GRIN2A: variants seen among roughly 807,000 people sequenced by gnomAD.
The protein encoded by GRIN2A is glutamate ionotropic receptor NMDA type subunit 2A.
GRIN2A carries 22 observed loss-of-function variants against 113.4 expected under a neutral mutation model. The ratio of observed to expected loss-of-function variants is 0.19; its 90% CI spans 0.14 to 0.28. The LOEUF (loss-of-function observed/expected upper bound fraction) is 0.28, where lower values mean the gene tolerates loss of function less well. Among genes scored for constraint, GRIN2A ranks in the 10% least tolerant of loss-of-function variants. The pLI, the probability that GRIN2A is intolerant of heterozygous loss-of-function variation, is 1.00. For synonymous variants in GRIN2A, 827 were observed against 738.4 expected, an observed-to-expected ratio of 1.12 and a Z score of -1.94; for missense variants, 1,502 against 1,887.0, an observed-to-expected ratio of 0.80 and a Z score of 3.78.
intron 2 of GRIN2A, among the ~76,000 whole-genome samples, chr16:10,058,547 A>G (rs2047495579): frequency 6.6e-6 from 1 of 152,262 alleles, no homozygotes; most frequent in African/African-American, 2.4e-5. Context: ...TCTTGGTGAA[A>G]AAAAATCAGA....
rs1901091955 is a variant in GRIN2A, at chr16:9,768,972, G to T, written c.2474C>A (p.Ala825Asp). 6.2e-7 allele frequency: 1 copy of T among 1,613,988 alleles called. No homozygotes were observed. The highest frequency in any genetic ancestry group is 8.5e-7 in the Non-Finnish European group (1 of 1,179,956). ...DNMAGVFYML[A>D]AAMALSLITF... ...GATGAGGCTAAGGGCCATGGCGGCA[G>T]CCAGCATGTAGAATACGCCCGCCAT... is the stretch of plus-strand genomic sequence containing the variant. The change falls in exon 12 of 13, where the codon GCT becomes GAT. Residue 825 changes from alanine (A) to aspartate (D), a missense_variant. Physicochemically the swap from Ala to Asp is moderately radical, Grantham distance 126. This residue lies in a region of GRIN2A where 101 missense variants were observed against 240.4 expected (regional missense o/e 0.42). Coordinates refer to ENST00000330684, the MANE Select transcript of GRIN2A (RefSeq NM_001134407.3).
At position 9,754,079 on chromosome 16, in the gene GRIN2A, A is replaced by G. The variant is rs1270597894; in HGVS notation, c.*9070T>C. On this transcript the variant is annotated 3_prime_UTR_variant, in exon 13 of 13. Coordinates refer to ENST00000330684, the MANE Select transcript of GRIN2A (RefSeq NM_001134407.3). ...CCTCTTTGAGAAGGCCATTATTTAT[A>G]ATTTTTATGATCTAATTCTTATTCA... 2 of 184,058 alleles carry G rather than the reference A, an allele frequency of 1.1e-5. No homozygotes were observed. Among genetic ancestry groups the G allele is most frequent in the Admixed American group, 6.2e-5 (1 of 16,016 alleles). 11.4% of individuals were successfully genotyped at this position (184,058 alleles called of 1,614,324 possible). A position where few individuals can be genotyped will look rare whatever the true frequency, so the allele number is the denominator to read the frequency against.
intron 2 of GRIN2A, among the ~76,000 whole-genome samples, chr16:10,082,131 T>C (rs2047997101): frequency 6.6e-6 from 1 of 152,226 alleles, no homozygotes; most frequent in African/African-American, 2.4e-5. Context: ...GGTTCCACTT[T>C]ACCTAGATTT....
At chr16:10,167,179 G>A (rs1246861693) in intron 2 of GRIN2A, among the ~76,000 whole-genome samples, 2 of 152,156 alleles carry the variant, frequency 1.3e-5, no homozygotes, top group Non-Finnish European at 2.9e-5. Context: ...AAGGGTTTCA[G>A]AGGGTCTGTG....
chr16:10,120,230 T>C (rs1022863971), intron 2 of GRIN2A, among the ~76,000 whole-genome samples: 1 of 152,190 alleles, frequency 6.6e-6, no homozygotes, highest in African/African-American at 2.4e-5. Flanking sequence ...TGTTTGTCTA[T>C]GGCTGGAGAC....
chr16:10,097,323 A>C (rs1258051665), intron 2 of GRIN2A, among the ~76,000 whole-genome samples: 1 of 152,234 alleles, frequency 6.6e-6, no homozygotes, highest in Non-Finnish European at 1.5e-5. Context: ...AGCACACACT[A>C]AACAAATAAT....
intron 2 of GRIN2A, among the ~76,000 whole-genome samples, chr16:9,969,842 T>C (rs2045636063): frequency 6.6e-6 from 1 of 152,212 alleles, no homozygotes; most frequent in Non-Finnish European, 1.5e-5. Context: ...TAGCCCAAAA[T>C]GTCAAGAATT....
intron 2 of GRIN2A, among the ~76,000 whole-genome samples, chr16:10,025,641 AATACCACCTC>A (rs2046806104): frequency 6.6e-6 from 1 of 152,124 alleles, no homozygotes; most frequent in Non-Finnish European, 1.5e-5. Flanking sequence ...AGGAGGCTGG[AATACCACCTC>A]ATTTGACTCC....
intron 2 of GRIN2A, among the ~76,000 whole-genome samples, chr16:9,965,765 C>T (rs2045545745): frequency 6.6e-6 from 1 of 152,184 alleles, no homozygotes; most frequent in South Asian, 2.1e-4. Flanking sequence ...CAGGGGTTGA[C>T]AATCCATGGC....
chr16:9,858,084 C>T (rs74757295), intron 4 of GRIN2A, among the ~76,000 whole-genome samples: 6,807 of 152,256 alleles, frequency 0.045, 503 homozygotes, highest in African/African-American at 0.15. Context: ...AGTACACTGA[C>T]TGGCTCAGGA....
chr16:10,154,077 A>T (rs2049639111), intron 2 of GRIN2A, among the ~76,000 whole-genome samples: 1 of 152,140 alleles, frequency 6.6e-6, no homozygotes, highest in African/African-American at 2.4e-5. Context: ...ACATGGCAGG[A>T]GAGCCCTTTC....
intron 2 of GRIN2A, among the ~76,000 whole-genome samples, chr16:10,085,499 G>C (rs1220279886): frequency 6.6e-6 from 1 of 152,080 alleles, no homozygotes; most frequent in Non-Finnish European, 1.5e-5. Context: ...AGGACATGAA[G>C]GCACTCAGTG....
At position 9,756,995 on chromosome 16, in the gene GRIN2A, C is replaced by G. The variant is rs2141112457; in HGVS notation, c.*6154G>C. ...TATGCTTCCCTGATACATTCATACC[C>G]TGGTGTATCAGAAGGGTTCTTCAAA... On this transcript the variant is annotated 3_prime_UTR_variant, in exon 13 of 13. Coordinates refer to ENST00000330684, the MANE Select transcript of GRIN2A (RefSeq NM_001134407.3). 1 of 197,272 alleles carries G rather than the reference C, an allele frequency of 5.1e-6. No individual in the cohort carries two copies. Among genetic ancestry groups the G allele is most frequent in the Middle Eastern group, 1.7e-3 (1 of 574 alleles). The allele number at this position is 197,272 out of a possible 1,614,324, so 12.2% of individuals were successfully genotyped here. A position where few individuals can be genotyped will look rare whatever the true frequency, so the allele number is the denominator to read the frequency against.
chr16:9,904,437 T>C (rs1012889331), intron 3 of GRIN2A, among the ~76,000 whole-genome samples: 17 of 152,174 alleles, frequency 1.1e-4, no homozygotes, highest in African/African-American at 4.1e-4. Flanking sequence ...AGCAGCGTGA[T>C]CTCAGCTTAC....
At chr16:10,139,889 G>A (rs775062805) in intron 2 of GRIN2A, among the ~76,000 whole-genome samples, 1 of 152,038 alleles carries the variant, frequency 6.6e-6, no homozygotes, top group Admixed American at 6.6e-5. Flanking sequence ...GCACAGTGGC[G>A]CAATCTTGGC....
intron 2 of GRIN2A, among the ~76,000 whole-genome samples, chr16:10,086,327 G>C (rs2048084575): frequency 6.6e-6 from 1 of 152,156 alleles, no homozygotes; most frequent in Non-Finnish European, 1.5e-5. Flanking sequence ...AACAGATGTG[G>C]ATAATGAGTA....
At chr16:9,979,352 C>T (rs770767380) in intron 2 of GRIN2A, among the ~76,000 whole-genome samples, 11 of 152,190 alleles carry the variant, frequency 7.2e-5, no homozygotes, top group Non-Finnish European at 1.5e-4. Flanking sequence ...TTTTGCTCTA[C>T]AATAGACCTT....
intron 2 of GRIN2A, among the ~76,000 whole-genome samples, chr16:9,979,521 T>C (rs976424384): frequency 5.9e-5 from 9 of 152,130 alleles, no homozygotes; most frequent in Non-Finnish European, 1.2e-4. Flanking sequence ...AGGCCTTTTC[T>C]TGCTAGAGCA....
intron 2 of GRIN2A, among the ~76,000 whole-genome samples, chr16:10,070,266 T>G (rs551166974): frequency 4.8e-4 from 73 of 152,292 alleles, no homozygotes; most frequent in Non-Finnish European, 8.5e-4. Context: ...CTCCTGACTT[T>G]GTTTACCAAG....
Sources: gnomAD v4.1 joint callset for allele counts (sites outside exome capture counted in the v4.1 genomes callset) on GRCh38, gnomAD v4.1.1 for gene constraint, gnomAD v4.1.1 regional missense constraint, MANE v1.5 for transcripts, NCBI Gene and HGNC (gene_info 2026-07-23, HGNC 2026-07-21) for gene names.